ZNF638: variants seen among roughly 807,000 people sequenced by gnomAD.
ZNF638 encodes the protein zinc finger protein 638, also known as CTCL tumor antigen se33-1.
ZNF638 carries 46 observed loss-of-function variants against 195.6 expected under a neutral mutation model. The observed-to-expected ratio is 0.24, with a 90% CI of 0.19 to 0.30. ZNF638 has a LOEUF of 0.30. Among genes scored for constraint, ZNF638 ranks in the 10% least tolerant of loss-of-function variants. The pLI is 1.00. For synonymous variants in ZNF638, 845 were observed against 772.0 expected (o/e 1.09, Z -1.57); for missense variants, 2,440 against 2,325.3 (o/e 1.05, Z -1.01).
At chr2:71,430,324 T>C (rs1057087429) in intron 25 of ZNF638, among the ~76,000 whole-genome samples, 1 of 152,132 alleles carries the variant, frequency 6.6e-6, no homozygotes. Flanking sequence ...AGAAAGAGAT[T>C]GGAGGCAAGG....
chr2:71,385,687 TTCTG>T (rs1272818322), intron 10 of ZNF638, among the ~76,000 whole-genome samples: 2 of 152,204 alleles, frequency 1.3e-5, no homozygotes, highest in African/African-American at 4.8e-5. Flanking sequence ...TGTGTCAGTT[TTCTG>T]TCTGTGATAC....
chr2:71,359,578 A>G (rs539717005), intron 3 of ZNF638, among the ~76,000 whole-genome samples: 81 of 152,284 alleles, frequency 5.3e-4, no homozygotes, highest in African/African-American at 1.9e-3. Context: ...GCCAAGAAAC[A>G]ATGCCTCACC....
At chr2:71,393,487 G>T (rs775903925) in intron 10 of ZNF638, 6 of 717,592 alleles carry the variant, frequency 8.4e-6, no homozygotes, top group Non-Finnish European at 1.6e-5. Flanking sequence ...GATCCTGCAG[G>T]ACCCGCAGCT....
intron 21 of ZNF638, 91 bp downstream of exon 21, chr2:71,418,730 GA>G: frequency 1.1e-6 from 1 of 906,336 alleles, no homozygotes; most frequent in South Asian, 2.4e-5. Context: ...CACATGTAGT[GA>G]AAAGTTCTTT....
chr2:71,369,764 C>A, intron 7 of ZNF638, 119 bp from the exon 8 acceptor site: 1 of 999,650 alleles, frequency 1.0e-6, no homozygotes, highest in Non-Finnish European at 1.4e-6. Flanking sequence ...GCAAAAGCAA[C>A]CATGACTTGA....
chr2:71,419,108 A>G, intron 21 of ZNF638, among the ~76,000 whole-genome samples: 1 of 152,350 alleles, frequency 6.6e-6, no homozygotes, highest in East Asian at 1.9e-4. Context: ...AATTATGTAT[A>G]TAGTTTTGCA....
intron 23 of ZNF638, among the ~76,000 whole-genome samples, chr2:71,425,298 T>TA (rs1270536144): frequency 6.6e-6 from 1 of 152,152 alleles, no homozygotes; most frequent in Non-Finnish European, 1.5e-5. Flanking sequence ...GGAGAAATGT[T>TA]ACTAGTTTTA....
chr2:71,434,035 T>G (rs918763113), intron 27 of ZNF638, among the ~76,000 whole-genome samples: 3 of 152,230 alleles, frequency 2.0e-5, no homozygotes, highest in African/African-American at 4.8e-5. Flanking sequence ...TTGCTACCTG[T>G]GTGCTTAACT....
At chr2:71,342,235 A>AAC (rs386390445) in intron 1 of ZNF638, among the ~76,000 whole-genome samples, 2 of 151,304 alleles carry the variant, frequency 1.3e-5, no homozygotes, top group Non-Finnish European at 2.9e-5. Flanking sequence ...AAAAAAAAAA[A>AAC]AAGTCATACT....
At chr2:71,398,126 A>G (rs989231580) in intron 11 of ZNF638, among the ~76,000 whole-genome samples, 4 of 152,168 alleles carry the variant, frequency 2.6e-5, no homozygotes, top group African/African-American at 7.2e-5. Context: ...CATGAATGCT[A>G]TTTTAAGTAC....
chr2:71,421,495 G>A (rs1397350267), intron 21 of ZNF638, among the ~76,000 whole-genome samples: 3 of 152,058 alleles, frequency 2.0e-5, no homozygotes, highest in Non-Finnish European at 2.9e-5. Flanking sequence ...TGTAATCTTT[G>A]GGGCATGAGG....
At chr2:71,404,066 T>C (rs922957871) in intron 17 of ZNF638, 68 bp downstream of exon 17, 22 of 1,484,702 alleles carry the variant, frequency 1.5e-5, no homozygotes, top group Admixed American at 2.2e-5. Context: ...CAGTCTGTTA[T>C]GTTTTCTAGT....
chr2:71,355,012 A>G (rs1372976612), intron 2 of ZNF638, among the ~76,000 whole-genome samples: 2 of 151,940 alleles, frequency 1.3e-5, no homozygotes, highest in East Asian at 3.9e-4. Flanking sequence ...TCTGTCGCCC[A>G]GGCTGGAGTG....
At chr2:71,391,812 G>A (rs2079784886) in intron 10 of ZNF638, among the ~76,000 whole-genome samples, 1 of 152,104 alleles carries the variant, frequency 6.6e-6, no homozygotes, top group Non-Finnish European at 1.5e-5. Context: ...ACTCACCCAG[G>A]TATTTAACCC....
At position 71,349,594 on chromosome 2, in the gene ZNF638, G is replaced by A. The variant is rs763299500; in HGVS notation, c.640G>A (p.Ala214Thr). The A allele has an allele frequency of 6.2e-7, 1 of 1,614,056 alleles. No homozygotes were observed. ...VSSNVIDYGH[A>T]SKYGYTEDPL... ...AAGTAATGTGATCGATTATGGGCAT[G>A]CAAGCAAATATGGCTACACAGAAGA... The change falls in exon 2 of 28, where the codon GCA (alanine) becomes ACA (threonine). Residue 214 changes from alanine (A) to threonine (T), a missense_variant. Ala to Thr is a moderately conservative substitution (Grantham distance 58). This residue lies in a region of ZNF638 where 305 missense variants were observed against 283.6 expected (regional missense o/e 1.08). Transcript: ENST00000264447.
intron 20 of ZNF638, among the ~76,000 whole-genome samples, chr2:71,414,075 C>G (rs1393927983): frequency 4.9e-5 from 7 of 143,962 alleles, no homozygotes; most frequent in African/African-American, 1.8e-4. Context: ...CCTTGTACCT[C>G]TGGTAGAATT....
chr2:71,418,939 A>C (rs201972438), intron 21 of ZNF638, among the ~76,000 whole-genome samples: 3 of 152,242 alleles, frequency 2.0e-5, no homozygotes, highest in Admixed American at 2.0e-4. Flanking sequence ...GAATAACTCA[A>C]CATCACGAAC....
chr2:71,407,254 A>G (rs1363446546), intron 19 of ZNF638: 10 of 152,208 alleles, frequency 6.6e-5, no homozygotes, highest in Non-Finnish European at 8.8e-5. Context: ...TAGAGCATAG[A>G]ATGGAATATG....
Position 71,419,974 on chromosome 2 carries a change from C to CT in ZNF638, c.3299+1364dup, listed in dbSNP as rs58583336. On this transcript the variant is annotated intron_variant, in intron 21 of 27. Transcript: ENST00000264447. ...CTTCTTAATTCCCACCCCCCCCCGC[C>CT]TTTTTTTTTTTTTTTTTTTTTTTTT... is the stretch of plus-strand genomic sequence containing the variant. Among the ~76,000 whole-genome samples, 115 of 27,030 alleles carry CT rather than the reference C, an allele frequency of 4.3e-3. 6 individuals carry two copies. Among genetic ancestry groups the CT allele is most frequent in the Admixed American group, 6.0e-3 (8 of 1,324 alleles). The allele number at this position is 27,030 out of a possible 152,430, so 17.7% of individuals were successfully genotyped here.
Sources: allele counts gnomAD v4.1 joint callset (sites outside exome capture counted in the v4.1 genomes callset), GRCh38; gene constraint gnomAD v4.1.1; regional missense constraint gnomAD v4.1.1; transcripts MANE v1.5; gene names NCBI Gene and HGNC (gene_info 2026-07-23, HGNC 2026-07-21).